The following STMN3 variants were observed in gnomAD, a reference collection of about 807,000 sequenced individuals.
The protein encoded by STMN3 is stathmin-3.
STMN3 carries 24 observed loss-of-function variants against 23.2 expected under a neutral mutation model. The ratio of observed to expected loss-of-function variants is 1.03; its 90% CI spans 0.75 to 1.45. The LOEUF (loss-of-function observed/expected upper bound fraction) is 1.45, where lower values mean the gene tolerates loss of function less well. STMN3 is among the 40% of genes most tolerant of loss of function. The pLI is 0.00. For missense variants in STMN3, 235 were observed against 237.6 expected (o/e 0.99, Z 0.07); for synonymous variants, 117 against 103.4 (o/e 1.13, Z -0.80).
chr20:63,649,624 G>A (rs931432824), intron 1 of STMN3, among the ~76,000 whole-genome samples: 4 of 150,584 alleles, frequency 2.7e-5, no homozygotes, highest in Admixed American at 2.0e-4. Flanking sequence ...TCCGCCTCCC[G>A]GATTCACGCC....
chr20:63,641,529 G>A (rs2089762128), intron 4 of STMN3, 132 bp from the exon 5 acceptor site: 1 of 681,180 alleles, frequency 1.5e-6, no homozygotes, highest in African/African-American at 1.8e-5. Context: ...GCAGGACCCT[G>A]ACTGAGTTGA....
chr20:63,647,458 T>C (rs2089817854), intron 1 of STMN3, among the ~76,000 whole-genome samples: 1 of 140,092 alleles, frequency 7.1e-6, no homozygotes, highest in Admixed American at 7.2e-5. Context: ...CTACTAAAAA[T>C]AACAAAAATT....
intron 3 of STMN3, among the ~76,000 whole-genome samples, chr20:63,643,059 G>A (rs932485479): frequency 1.3e-5 from 2 of 152,036 alleles, no homozygotes; most frequent in African/African-American, 4.8e-5. Context: ...GGGCCCCTCC[G>A]CCCTCCAGCA....
In STMN3 at chr20:63,640,750, C is replaced by G. The variant is rs2314999; in HGVS notation, c.*588G>C. The G allele has an allele frequency of 3.7e-5, 7 of 191,348 alleles. No homozygotes were observed. The highest frequency in any genetic ancestry group is 1.1e-4 in the Admixed American group (2 of 18,576). The allele number at this position is 191,348 out of a possible 1,614,324, so 11.9% of individuals were successfully genotyped here. ...AGGAAGGCCCAGGGTGTCCACCTCA[C>G]GCCAGGTGGTCTCAGAGGACCCCTG... On this transcript the variant is annotated 3_prime_UTR_variant, in exon 5 of 5. Coordinates refer to ENST00000370053, the MANE Select transcript of STMN3 (RefSeq NM_015894.4).
intron 1 of STMN3, among the ~76,000 whole-genome samples, chr20:63,650,229 T>C (rs938806718): frequency 6.6e-6 from 1 of 151,930 alleles, no homozygotes; most frequent in African/African-American, 2.4e-5. Flanking sequence ...TCCTTCCCCT[T>C]CACTGACTTC....
chr20:63,652,155 C>T lies in STMN3; in HGVS notation c.19+1172G>A, dbSNP rs368499364. ...GGCAGGTGCTGAAGTCACCTGGAGC[C>T]TCCAAGCCCGTGGGGCCTGAGGGGC... is the stretch of plus-strand genomic sequence containing the variant. On this transcript the variant is annotated intron_variant, in intron 1 of 4. Coordinates refer to ENST00000370053, the MANE Select transcript of STMN3 (RefSeq NM_015894.4). This position sits in a 1 kb window ranked among gnomAD's most constrained non-coding sequence, Gnocchi z 5.3. The T allele has an allele frequency of 9.8e-5, 15 of 152,434 alleles. No individual in the cohort carries two copies. The highest frequency in any genetic ancestry group is 5.8e-4 in the East Asian group (3 of 5,182). 9.4% of individuals were successfully genotyped at this position (152,434 alleles called of 1,614,324 possible).
intron 1 of STMN3, among the ~76,000 whole-genome samples, chr20:63,650,431 C>T (rs1167443779): frequency 2.6e-5 from 4 of 151,632 alleles, no homozygotes; most frequent in Non-Finnish European, 5.9e-5. Context: ...TCACACCTCA[C>T]GCCCACCCCT....
chr20:63,642,671 C>G (rs1164414004), intron 3 of STMN3, among the ~76,000 whole-genome samples: 3 of 152,246 alleles, frequency 2.0e-5, no homozygotes, highest in African/African-American at 7.2e-5. Flanking sequence ...TGGGCGGTCT[C>G]TGAGCTTTGT....
Position 63,652,735 on chromosome 20 carries a change from G to T in STMN3, c.19+592C>A. 1 of 985,886 alleles carries T rather than the reference G, an allele frequency of 1.0e-6. No homozygotes were observed. Among genetic ancestry groups the T allele is most frequent in the South Asian group, 4.7e-5 (1 of 21,292 alleles). 61.1% of individuals were successfully genotyped at this position (985,886 alleles called of 1,614,324 possible). ...GGCCAGAGCAGGTGGCGCGGGCGTC[G>T]CAAAGGGTGGTCCCCGAGGCCGCAG... is the stretch of plus-strand genomic sequence containing the variant. On this transcript the variant is annotated intron_variant, in intron 1 of 4. Transcript: ENST00000370053. This position sits in a 1 kb window ranked among gnomAD's most constrained non-coding sequence, Gnocchi z 5.3.
Position 63,641,237 on chromosome 20 carries a change from G to A in STMN3, c.*101C>T. On this transcript the variant is annotated 3_prime_UTR_variant, in exon 5 of 5. Transcript: ENST00000370053. ...AAGCATGAAGCTGGGGGCGGGGGTGGGGGAGGAGGAACAAAAGTTGCATCT... is the reference window on the plus strand; with the variant it reads ...AAGCATGAAGCTGGGGGCGGGGGTGAGGGAGGAGGAACAAAAGTTGCATCT... The A allele has an allele frequency of 2.0e-6, 2 of 999,480 alleles. No homozygotes were observed. The highest frequency in any genetic ancestry group is 3.1e-6 in the Non-Finnish European group (2 of 653,388). The allele number at this position is 999,480 out of a possible 1,614,324, so 61.9% of individuals were successfully genotyped here.
chr20:63,647,375 G>A (rs1311268006), intron 1 of STMN3, among the ~76,000 whole-genome samples: 3 of 150,570 alleles, frequency 2.0e-5, no homozygotes, highest in Admixed American at 6.7e-5. Context: ...CCAGAACTTT[G>A]AGGGGCCAAG....
At chr20:63,645,683 G>A (rs62207014) in intron 1 of STMN3, among the ~76,000 whole-genome samples, 5,766 of 152,288 alleles carry the variant, frequency 0.038, 140 homozygotes, top group Middle Eastern at 0.061. Flanking sequence ...GGGTGCAGTG[G>A]CTCATTTAAC....
chr20:63,648,768 A>G (rs2089837079), intron 1 of STMN3, among the ~76,000 whole-genome samples: 1 of 152,020 alleles, frequency 6.6e-6, no homozygotes, highest in Non-Finnish European at 1.5e-5. Flanking sequence ...TTTACCATAA[A>G]GGCCAGAAAA....
chr20:63,653,263 G>C, intron 1 of STMN3, 64 bp downstream of exon 1: 1 of 1,525,426 alleles, frequency 6.6e-7, no homozygotes, highest in Non-Finnish European at 8.8e-7. Context: ...TGCCCCAGGC[G>C]AGGCCAGACG....
At chr20:63,644,844 C>T (rs927957569) in intron 1 of STMN3, among the ~76,000 whole-genome samples, 1 of 152,206 alleles carries the variant, frequency 6.6e-6, no homozygotes, top group Non-Finnish European at 1.5e-5. Context: ...GAGGCGAGAC[C>T]TCTCCAGGCA....
At chr20:63,648,883 C>A (rs1485943958) in intron 1 of STMN3, among the ~76,000 whole-genome samples, 1 of 152,088 alleles carries the variant, frequency 6.6e-6, no homozygotes, top group African/African-American at 2.4e-5. Flanking sequence ...ACCAGGGAGG[C>A]TCTCTTCCAG....
At position 63,652,445 on chromosome 20, in the gene STMN3, A is replaced by G. The variant is rs2089868023; in HGVS notation, c.19+882T>C. 2.1e-6 allele frequency: 1 copy of G among 479,206 alleles called. No homozygotes were observed. Among genetic ancestry groups the G allele is most frequent in the Non-Finnish European group, 2.7e-6 (1 of 366,856 alleles). The allele number at this position is 479,206 out of a possible 1,614,324, so 29.7% of individuals were successfully genotyped here. A position where few individuals can be genotyped will look rare whatever the true frequency, so the allele number is the denominator to read the frequency against. Reference sequence around the variant, plus strand: ...AGAGCGTTTCGGGAAGGGCGGGCCCAGCGTCCTCGCGCCCGAGGTCGCCCG... The same window carrying G: ...AGAGCGTTTCGGGAAGGGCGGGCCCGGCGTCCTCGCGCCCGAGGTCGCCCG... On this transcript the variant is annotated intron_variant, in intron 1 of 4. Transcript: ENST00000370053. The surrounding 1 kb of genome is among the most constrained non-coding windows in gnomAD (Gnocchi z 5.3).
At position 63,643,904 on chromosome 20, in the gene STMN3, C is replaced by G; in HGVS notation, c.143G>C (p.Arg48Pro). The change falls in exon 3 of 5, where the codon CGG becomes CCG. Residue 48 changes from arginine to proline, a missense_variant. Arg to Pro is a moderately radical substitution (Grantham distance 103, BLOSUM62 -2). Transcript: ENST00000370053. ...GDMEVKQLDK[R>P]ASGQSFEVIL... ...GACCTCGAAGCTCTGGCCTGAGGCC[C>G]GCTTGTCCAGCTGCTTCACCTCCAT... The G allele has an allele frequency of 6.3e-7, 1 of 1,598,412 alleles. No homozygotes were observed. Among genetic ancestry groups the G allele is most frequent in the Non-Finnish European group, 8.5e-7 (1 of 1,176,074 alleles).
At chr20:63,651,724 C>G (rs1185037867) in intron 1 of STMN3, among the ~76,000 whole-genome samples, 8 of 152,226 alleles carry the variant, frequency 5.3e-5, no homozygotes, top group Admixed American at 3.3e-4. Context: ...TCATCTCTAC[C>G]CAGATAAGGA....
Sources: gnomAD v4.1 joint callset for allele counts (sites outside exome capture counted in the v4.1 genomes callset) on GRCh38, gnomAD v4.1.1 for gene constraint, Gnocchi (gnomAD v3.1) non-coding constraint, MANE v1.5 for transcripts, NCBI Gene and HGNC (gene_info 2026-07-23, HGNC 2026-07-21) for gene names.